KIF27: variants seen among roughly 807,000 people sequenced by gnomAD.
KIF27 encodes kinesin family member 27.
Under a neutral mutation model 141.8 loss-of-function variants are expected in KIF27, and 84 were observed. The ratio of observed to expected loss-of-function variants is 0.59; its 90% CI spans 0.50 to 0.71. The LOEUF is 0.71. Among genes scored for constraint, KIF27 ranks in the 30% least tolerant of loss-of-function variants. KIF27 has a pLI of 0.00. For missense variants in KIF27, 1,306 were observed against 1,628.4 expected (o/e 0.80, Z 3.41); for synonymous variants, 471 against 569.5 (o/e 0.83, Z 2.46).
intron 2 of KIF27, among the ~76,000 whole-genome samples, chr9:83,911,237 T>G (rs1176209044): frequency 3.3e-5 from 5 of 152,078 alleles, no homozygotes; most frequent in Non-Finnish European, 4.4e-5. Context: ...AAGCTAATTT[T>G]TTTGTTGCTT....
At chr9:83,906,246 A>G (rs1954515743) in intron 3 of KIF27, among the ~76,000 whole-genome samples, 1 of 152,242 alleles carries the variant, frequency 6.6e-6, no homozygotes, top group Non-Finnish European at 1.5e-5. Flanking sequence ...CTTAAAAAAC[A>G]AAAACAAATA....
At chr9:83,848,543 T>G (rs967621531) in intron 16 of KIF27, 1 of 145,980 alleles carries the variant, frequency 6.9e-6, no homozygotes, top group Non-Finnish European at 1.5e-5. Context: ...TCTATGTATA[T>G]ACATATATCT....
At chr9:83,867,599 A>G in intron 13 of KIF27, 85 bp downstream of exon 13, 2 of 1,437,148 alleles carry the variant, frequency 1.4e-6, no homozygotes, top group Non-Finnish European at 1.8e-6. Context: ...CACATTTCTT[A>G]TTATGTTTTT....
In KIF27 at chr9:83,899,723, C is replaced by T; in HGVS notation, c.1540G>A (p.Val514Ile). 6.2e-7 allele frequency: 1 copy of T among 1,613,270 alleles called. No individual in the cohort carries two copies. The highest frequency in any genetic ancestry group is 8.5e-7 in the Non-Finnish European group (1 of 1,179,338). Residue 514 changes from valine to isoleucine, a missense_variant, in exon 5 of 18, where the codon GTA becomes ATA. Val to Ile is a conservative substitution (Grantham distance 29). Transcript: ENST00000297814. Reference protein sequence around the residue: ...KELKNQVQMMVQENKGHAVSL... With the variant: ...KELKNQVQMMIQENKGHAVSL... ...ACAGCATGCCCTTTGTTTTCCTGTA[C>T]CATCATCTGCACTTGATTCTTCAGT...
In KIF27 at chr9:83,844,340, T is replaced by TGATATAGA. The variant is rs1428468548; in HGVS notation, c.3557-1940_3557-1939insTCTATATC. 7.2e-3 allele frequency among the ~76,000 whole-genome samples: 1,057 copies of TGATATAGA among 147,356 alleles called. 13 individuals are homozygous for TGATATAGA. The highest frequency in any genetic ancestry group is 0.026 in the African/African-American group (1,000 of 38,836). On this transcript the variant is annotated intron_variant, in intron 16 of 17. Transcript: ENST00000297814. ...TAGATATATAGATAGCTATATATAT[T>TGATATAGA]TATATAGATATCTATATCTATATCT...
chr9:83,873,461 G>A lies in KIF27; in HGVS notation c.2644-2829C>T, dbSNP rs145460097. ...CAAGGTTTGAACAGAGAGAACATTT[G>A]ATTAGTTTCCACCATATTTCCAGCA... On this transcript the variant is annotated intron_variant, in intron 11 of 17. Transcript: ENST00000297814. 8.0e-3 allele frequency among the ~76,000 whole-genome samples: 1,215 copies of A among 152,272 alleles called. 31 individuals are homozygous for A. Among genetic ancestry groups the A allele is most frequent in the East Asian group, 0.037 (192 of 5,178 alleles).
At chr9:83,895,302 A>G (rs1211269448) in intron 5 of KIF27, among the ~76,000 whole-genome samples, 2 of 151,808 alleles carry the variant, frequency 1.3e-5, no homozygotes, top group African/African-American at 4.8e-5. Flanking sequence ...AGTGTAACTC[A>G]CCATATTAGC....
intron 14 of KIF27, among the ~76,000 whole-genome samples, chr9:83,857,783 C>G (rs1324339854): frequency 6.6e-6 from 1 of 152,036 alleles, no homozygotes; most frequent in African/African-American, 2.4e-5. Context: ...ACTGAGGCTG[C>G]CTTGATGAAT....
Position 83,915,643 on chromosome 9 carries a change from T to C in KIF27, c.-52A>G, listed in dbSNP as rs1228810445. On this transcript the variant is annotated 5_prime_UTR_variant, in exon 2 of 18. Transcript: ENST00000297814. ...TTTCTATTTAATGTTCAGTATCTAG[T>C]GTGAGAGACTTCCATCTTATGTAAG... 2.1e-6 allele frequency: 3 copies of C among 1,433,134 alleles called. No homozygotes were observed. Among genetic ancestry groups the C allele is most frequent in the South Asian group, 1.4e-5 (1 of 71,172 alleles). The allele number at this position is 1,433,134 out of a possible 1,614,324, so 88.8% of individuals were successfully genotyped here.
At chr9:83,869,733 A>C (rs1950620058) in intron 12 of KIF27, among the ~76,000 whole-genome samples, 1 of 152,136 alleles carries the variant, frequency 6.6e-6, no homozygotes, top group Non-Finnish European at 1.5e-5. Context: ...TCTCAAAAAA[A>C]ATAAAATATA....
chr9:83,913,554 A>G lies in KIF27; in HGVS notation c.298+1740T>C, dbSNP rs185125677. ...CCAGGTTCAAGCGATTCTCTGCCTC[A>G]GCCTCCCAAGTAGCTGGGATTAGAG... On this transcript the variant is annotated intron_variant, in intron 2 of 17. Coordinates refer to ENST00000297814, the MANE Select transcript of KIF27 (RefSeq NM_017576.4). Among the ~76,000 whole-genome samples, 746 of 152,150 alleles carry G rather than the reference A, an allele frequency of 4.9e-3. 2 individuals carry two copies. The highest frequency in any genetic ancestry group is 7.8e-3 in the Non-Finnish European group (530 of 68,000).
chr9:83,886,628 C>T (rs985131975), intron 9 of KIF27, among the ~76,000 whole-genome samples: 9 of 152,056 alleles, frequency 5.9e-5, no homozygotes, highest in African/African-American at 1.9e-4. Context: ...TGGTGGCACA[C>T]GCCTGTAGTC....
chr9:83,885,834 T>C (rs1462173976), intron 9 of KIF27, among the ~76,000 whole-genome samples: 3 of 152,122 alleles, frequency 2.0e-5, no homozygotes, highest in Non-Finnish European at 2.9e-5. Flanking sequence ...TTGCAGTGTA[T>C]TAGAATTGAT....
intron 5 of KIF27, among the ~76,000 whole-genome samples, chr9:83,894,967 C>T (rs1382248851): frequency 2.0e-5 from 3 of 151,882 alleles, no homozygotes; most frequent in African/African-American, 2.4e-5. Context: ...ATCAATCGGC[C>T]GGGCACTGTG....
chr9:83,864,262 T>C (rs7850404), intron 13 of KIF27, among the ~76,000 whole-genome samples: 24,103 of 152,202 alleles, frequency 0.16, 2,131 homozygotes, highest in African/African-American at 0.23. Context: ...TTAATTGTGA[T>C]GTTAGGCTGT....
intron 12 of KIF27, chr9:83,868,072 T>C (rs34855250): frequency 1.2e-5 from 6 of 509,890 alleles, no homozygotes; most frequent in Middle Eastern, 5.4e-4. Flanking sequence ...TAAAATTTAC[T>C]CCCCAGATAT....
intron 11 of KIF27, among the ~76,000 whole-genome samples, chr9:83,871,206 T>C (rs1178957570): frequency 6.6e-6 from 1 of 152,152 alleles, no homozygotes; most frequent in African/African-American, 2.4e-5. Flanking sequence ...TAGGCATAAG[T>C]CACCATGCTC....
At chr9:83,901,637 G>A (rs1436811825) in intron 4 of KIF27, among the ~76,000 whole-genome samples, 2 of 152,188 alleles carry the variant, frequency 1.3e-5, no homozygotes, top group Non-Finnish European at 2.9e-5. Flanking sequence ...CACTTTGGGA[G>A]GCCGAGGCGG....
At chr9:83,848,146 C>A (rs147956786) in intron 16 of KIF27, among the ~76,000 whole-genome samples, 606 of 44,702 alleles carry the variant, frequency 0.014, 171 homozygotes, top group African/African-American at 0.023. Context: ...TATGATATAT[C>A]TGATATATCA....
Sources: allele counts gnomAD v4.1 joint callset (sites outside exome capture counted in the v4.1 genomes callset), GRCh38; gene constraint gnomAD v4.1.1; transcripts MANE v1.5; gene names NCBI Gene and HGNC (gene_info 2026-07-23, HGNC 2026-07-21).